The following GRID2IP variants were observed in gnomAD, a reference collection of about 807,000 sequenced individuals.
The protein encoded by GRID2IP is delphilin.
Under a neutral mutation model 114.3 loss-of-function variants are expected in GRID2IP, and 78 were observed. That is an observed-to-expected ratio of 0.68 (90% CI 0.57 to 0.82). The LOEUF (loss-of-function observed/expected upper bound fraction) is 0.82, where lower values mean the gene tolerates loss of function less well. Among genes scored for constraint, GRID2IP ranks in the 40% least tolerant of loss-of-function variants. GRID2IP has a pLI of 0.00. For synonymous variants in GRID2IP, 809 were observed against 724.0 expected, an observed-to-expected ratio of 1.12 and a Z score of -1.89; for missense variants, 1,727 against 1,678.5, an observed-to-expected ratio of 1.03 and a Z score of -0.51.
rs1366088091 is a variant in GRID2IP at position 6,509,982 on chromosome 7, C to A, written c.1771+301G>T. 6.6e-6 allele frequency among the ~76,000 whole-genome samples: 1 copy of A among 152,194 alleles called. No individual in the cohort carries two copies. The highest frequency in any genetic ancestry group is 1.5e-5 in the Non-Finnish European group (1 of 68,044). ...GAGTTGGGACTACAGGCATATGCAA[C>A]CATGCCCAGCTAATTTTGTATTTTT... is the stretch of plus-strand genomic sequence containing the variant. On this transcript the variant is annotated intron_variant, in intron 11 of 21. Transcript: ENST00000457091. The surrounding 1 kb of genome is among the most constrained non-coding windows in gnomAD (Gnocchi z 4.9).
chr7:6,544,413 G>A (rs987967323), intron 1 of GRID2IP, among the ~76,000 whole-genome samples: 6 of 151,756 alleles, frequency 4.0e-5, no homozygotes, highest in Admixed American at 2.0e-4. Flanking sequence ...CTGAGTAGCT[G>A]GGATTACAGG....
intron 18 of GRID2IP, among the ~76,000 whole-genome samples, chr7:6,502,445 GCCTCAAGTGATCCTCTCA>G (rs1056675952): frequency 7.2e-5 from 11 of 152,138 alleles, no homozygotes; most frequent in Non-Finnish European, 1.6e-4. Context: ...CCAACTCCTG[GCCTCAAGTGATCCTCTCA>G]CCTTGGCCTC....
chr7:6,546,384 C>T (rs1350699589), intron 1 of GRID2IP, among the ~76,000 whole-genome samples: 1 of 151,078 alleles, frequency 6.6e-6, no homozygotes, highest in Non-Finnish European at 1.5e-5. Context: ...GCCAAGCCAC[C>T]AAGCCTGGCC....
Position 6,496,833 on chromosome 7 carries a change from C to T in GRID2IP, c.*941G>A, listed in dbSNP as rs1186022617. Among the ~76,000 whole-genome samples, 1 of 151,724 alleles carries T rather than the reference C, an allele frequency of 6.6e-6. No individual in the cohort carries two copies. Among genetic ancestry groups the T allele is most frequent in the Non-Finnish European group, 1.5e-5 (1 of 67,950 alleles). On this transcript the variant is annotated 3_prime_UTR_variant, in exon 22 of 22. Transcript: ENST00000457091. ...ATTTTAAAAAAGGTGAAACAGTTCA[C>T]ACACCCTCCCTCCCTGCCCACCACG...
chr7:6,535,321 C>T (rs1267481216), intron 2 of GRID2IP, among the ~76,000 whole-genome samples: 5 of 152,242 alleles, frequency 3.3e-5, no homozygotes, highest in Admixed American at 6.5e-5. Flanking sequence ...TAAGCCAGCA[C>T]GCCCAGCCAC....
chr7:6,520,552 C>G lies in GRID2IP; in HGVS notation c.1268+26G>C. 1 of 1,544,392 alleles carries G rather than the reference C, an allele frequency of 6.5e-7. No homozygotes were observed. Among genetic ancestry groups the G allele is most frequent in the South Asian group, 1.2e-5 (1 of 83,648 alleles). ...GACTTAGGGCCCACCCAGGGCAGGG[C>G]CCCACCGCGGCTTTGGCCCGGCCAC... On this transcript the variant is annotated intron_variant, in intron 7 of 21. Coordinates refer to ENST00000457091, the MANE Select transcript of GRID2IP (RefSeq NM_001145118.2). The surrounding 1 kb of genome is among the most constrained non-coding windows in gnomAD (Gnocchi z 4.6).
Position 6,551,060 on chromosome 7 carries a change from G to A in GRID2IP, c.377C>T (p.Pro126Leu), listed in dbSNP as rs1421485039. Residue 126 changes from proline (P) to leucine (L), a missense_variant, in exon 1 of 22, where the codon CCG becomes CTG. Pro to Leu is a moderately conservative substitution (Grantham distance 98, BLOSUM62 -3). Transcript: ENST00000457091. The stretch of plus-strand genomic sequence containing the variant: ...CCTGCGCTCTCGGTGCACCGCGTCC[G>A]GGCGCTTGCGGCCGGCCAGGCGAAG... The part of the protein sequence containing the change: ...ELLRLAGRKR[P>L]DAVHRERRRK... 6 of 1,301,088 alleles carry A rather than the reference G, an allele frequency of 4.6e-6. No homozygotes were observed. Among genetic ancestry groups the A allele is most frequent in the East Asian group, 6.5e-5 (2 of 30,602 alleles). The allele number at this position is 1,301,088 out of a possible 1,614,324, so 80.6% of individuals were successfully genotyped here. A position where few individuals can be genotyped will look rare whatever the true frequency, so the allele number is the denominator to read the frequency against.
chr7:6,551,070 G>C lies in GRID2IP; in HGVS notation c.367C>G (p.Arg123Gly), dbSNP rs974799175. The part of the protein sequence containing the change: ...LGRELLRLAG[R>G]KRPDAVHRER... ...CGGTGCACCGCGTCCGGGCGCTTGC[G>C]GCCGGCCAGGCGAAGCAGCTCACGG... is the stretch of plus-strand genomic sequence containing the variant. The change falls in exon 1 of 22, where the codon CGC becomes GGC. Residue 123 changes from arginine (R) to glycine (G), a missense_variant. Physicochemically the swap from Arg to Gly is moderately radical, Grantham distance 125 (BLOSUM62 -2). Transcript: ENST00000457091. The C allele has an allele frequency of 6.1e-6, 8 of 1,312,596 alleles. No individual in the cohort carries two copies. In the South Asian group the frequency reaches 1.1e-4, roughly 18 times the overall value. 81.3% of individuals were successfully genotyped at this position (1,312,596 alleles called of 1,614,324 possible).
chr7:6,548,882 G>C (rs1379476889), intron 1 of GRID2IP, among the ~76,000 whole-genome samples: 1 of 151,304 alleles, frequency 6.6e-6, no homozygotes, highest in Non-Finnish European at 1.5e-5. Flanking sequence ...AAGTGTCCCA[G>C]CCGCCAAGCA....
chr7:6,514,308 T>C, intron 8 of GRID2IP, 67 bp downstream of exon 8: 5 of 1,323,996 alleles, frequency 3.8e-6, no homozygotes, highest in Non-Finnish European at 5.0e-6. Context: ...GGTGTCTGTC[T>C]GTTCACCTGG....
chr7:6,527,093 T>A (rs1210128687), intron 2 of GRID2IP, among the ~76,000 whole-genome samples: 1 of 151,850 alleles, frequency 6.6e-6, no homozygotes, highest in African/African-American at 2.4e-5. Flanking sequence ...TCCTCCTGCC[T>A]CTGTCCTCTC....
rs565669962 is a variant in GRID2IP at position 6,510,940 on chromosome 7, C to T, written c.1523G>A (p.Arg508Gln). The part of the protein sequence containing the change: ...RASSMCRRSL[R>Q]SQGLEAGLSC... ...GAGGCCGGCCTCCAGGCCCTGGGAC[C>T]GGAGGCTGCGGCGGCACATGGAGGA... Residue 508 changes from arginine to glutamine, a missense_variant, in exon 9 of 22, where the codon CGG (arginine) becomes CAG (glutamine). Arg to Gln is a conservative substitution (Grantham distance 43, BLOSUM62 1). Coordinates refer to ENST00000457091, the MANE Select transcript of GRID2IP (RefSeq NM_001145118.2). 29 of 1,549,106 alleles carry T rather than the reference C, an allele frequency of 1.9e-5. No individual in the cohort carries two copies. The highest frequency in any genetic ancestry group is 8.2e-5 in the African/African-American group (6 of 72,926).
At position 6,510,946 on chromosome 7, in the gene GRID2IP, C is replaced by A; in HGVS notation, c.1517G>T (p.Ser506Ile). 1 of 1,549,020 alleles carries A rather than the reference C, an allele frequency of 6.5e-7. No individual in the cohort carries two copies. The highest frequency in any genetic ancestry group is 2.5e-5 in the East Asian group (1 of 40,428). The change falls in exon 9 of 22, where the codon AGC (serine) becomes ATC (isoleucine). Residue 506 changes from serine (S) to isoleucine (I), a missense_variant. Physicochemically the swap from Ser to Ile is moderately radical, Grantham distance 142 (BLOSUM62 -2). Transcript: ENST00000457091. ...SLRASSMCRRSLRSQGLEAGL... is the reference protein window; with the variant it reads ...SLRASSMCRRILRSQGLEAGL... ...GGCCTCCAGGCCCTGGGACCGGAGG[C>A]TGCGGCGGCACATGGAGGAAGCCCG... is the stretch of plus-strand genomic sequence containing the variant.
In GRID2IP at chr7:6,516,571, G is replaced by A. The variant is rs1019602674; in HGVS notation, c.1269-2042C>T. ...AGGCACCCGTTGCTTAGCAGACCGG[G>A]AAAGGGAGTCTCCCTTTCCTGGTGG... On this transcript the variant is annotated intron_variant, in intron 7 of 21. Transcript: ENST00000457091. This position sits in a 1 kb window ranked among gnomAD's most constrained non-coding sequence, Gnocchi z 4.3. Among the ~76,000 whole-genome samples the A allele has an allele frequency of 6.6e-6, 1 of 152,000 alleles. No homozygotes were observed. Among genetic ancestry groups the A allele is most frequent in the Non-Finnish European group, 1.5e-5 (1 of 68,022 alleles).
intron 2 of GRID2IP, among the ~76,000 whole-genome samples, chr7:6,529,323 C>G (rs1158989392): frequency 1.1e-4 from 16 of 152,126 alleles, no homozygotes; most frequent in Admixed American, 9.2e-4. Flanking sequence ...TGGTAGTGCA[C>G]TCCTGTAATC....
At chr7:6,511,574 T>C (rs1169432598) in intron 8 of GRID2IP, among the ~76,000 whole-genome samples, 2 of 152,068 alleles carry the variant, frequency 1.3e-5, no homozygotes, top group Non-Finnish European at 1.5e-5. Flanking sequence ...GGTTTCAACA[T>C]GTGGGCTAGG....
At chr7:6,547,445 G>C (rs1779904131) in intron 1 of GRID2IP, among the ~76,000 whole-genome samples, 1 of 151,998 alleles carries the variant, frequency 6.6e-6, no homozygotes, top group African/African-American at 2.4e-5. Context: ...CTACTAGAGA[G>C]GCTGAGGCAG....
At chr7:6,500,697 C>T (rs1206162978) in intron 20 of GRID2IP, among the ~76,000 whole-genome samples, 1 of 152,238 alleles carries the variant, frequency 6.6e-6, no homozygotes, top group Admixed American at 6.5e-5. Flanking sequence ...TGGCCACAGG[C>T]ACAGCCCCCA....
intron 1 of GRID2IP, among the ~76,000 whole-genome samples, chr7:6,550,237 C>T (rs1302300439): frequency 6.6e-6 from 1 of 152,074 alleles, no homozygotes; most frequent in Non-Finnish European, 1.5e-5. Flanking sequence ...AAGTGATCCT[C>T]CCACCTTGGT....
Sources: gnomAD v4.1 joint callset for allele counts (sites outside exome capture counted in the v4.1 genomes callset) on GRCh38, gnomAD v4.1.1 for gene constraint, Gnocchi (gnomAD v3.1) non-coding constraint, MANE v1.5 for transcripts, NCBI Gene and HGNC (gene_info 2026-07-23, HGNC 2026-07-21) for gene names.